The following PPFIBP1 variants were observed in gnomAD, a reference collection of about 807,000 sequenced individuals.
PPFIBP1 encodes the protein liprin-beta-1.
A neutral mutation model predicts 137.8 loss-of-function variants in PPFIBP1; 112 were observed. The ratio of observed to expected loss-of-function variants is 0.81; its 90% CI spans 0.70 to 0.95. The LOEUF (loss-of-function observed/expected upper bound fraction) is 0.95. Ranked by LOEUF, PPFIBP1 falls within the 40% of genes least tolerant of loss-of-function variation. The probability of loss-of-function intolerance (pLI) is 0.00; values close to 1 mark genes in which losing one functional copy is unlikely to be tolerated. For synonymous variants in PPFIBP1, 378 were observed against 417.3 expected, an observed-to-expected ratio of 0.91 and a Z score of 1.15; for missense variants, 1,083 against 1,196.6, an observed-to-expected ratio of 0.91 and a Z score of 1.40.
At chr12:27,644,046 A>G (rs1025399634) in intron 4 of PPFIBP1, among the ~76,000 whole-genome samples, 10 of 151,678 alleles carry the variant, frequency 6.6e-5, no homozygotes, top group Non-Finnish European at 1.3e-4. Flanking sequence ...TCATCTTGCT[A>G]TAATTTCCTC....
At chr12:27,604,582 C>T (rs56944757) in intron 2 of PPFIBP1, among the ~76,000 whole-genome samples, 9,294 of 152,284 alleles carry the variant, frequency 0.061, 310 homozygotes, top group East Asian at 0.086. Flanking sequence ...AAAGCTTTCT[C>T]TGCACTTCCC....
At chr12:27,662,227 C>G (rs2059596520) in intron 11 of PPFIBP1, among the ~76,000 whole-genome samples, 1 of 152,196 alleles carries the variant, frequency 6.6e-6, no homozygotes, top group Admixed American at 6.5e-5. Context: ...CAAAACTTGT[C>G]TCGAGACCAG....
At chr12:27,571,699 T>C (rs1274384530) in intron 1 of PPFIBP1, among the ~76,000 whole-genome samples, 1 of 152,224 alleles carries the variant, frequency 6.6e-6, no homozygotes, top group African/African-American at 2.4e-5. Context: ...AAGTGTTATA[T>C]ACCAGTGGGC....
intron 1 of PPFIBP1, among the ~76,000 whole-genome samples, chr12:27,550,977 T>TTATATATATATATATA (rs373063647): frequency 7.4e-6 from 1 of 135,942 alleles, no homozygotes; most frequent in Admixed American, 7.3e-5. Flanking sequence ...GGCACTAATT[T>TTATATATATATATATA]TATATATATA....
intron 2 of PPFIBP1, among the ~76,000 whole-genome samples, chr12:27,599,666 C>T (rs1411652601): frequency 6.6e-6 from 1 of 152,056 alleles, no homozygotes; most frequent in Admixed American, 6.6e-5. Context: ...TTATGAAATA[C>T]TTTAAGCATA....
intron 2 of PPFIBP1, among the ~76,000 whole-genome samples, chr12:27,631,777 A>G (rs1316143564): frequency 1.3e-5 from 2 of 152,218 alleles, no homozygotes; most frequent in Admixed American, 1.3e-4. Flanking sequence ...CACAAAATAT[A>G]GTTGCTAACA....
chr12:27,570,936 TA>T (rs146557694), intron 1 of PPFIBP1, among the ~76,000 whole-genome samples: 48,024 of 151,570 alleles, frequency 0.32, 7,993 homozygotes, highest in Middle Eastern at 0.46. Context: ...AATAAAAAAA[TA>T]AAAAAATAAA....
At chr12:27,616,578 A>G (rs890825539) in intron 2 of PPFIBP1, among the ~76,000 whole-genome samples, 140 of 152,290 alleles carry the variant, frequency 9.2e-4, no homozygotes, top group African/African-American at 3.2e-3. Flanking sequence ...TTAGATCCAG[A>G]AGGTTTTCAA....
At position 27,673,778 on chromosome 12, in the gene PPFIBP1, T is replaced by G; in HGVS notation, c.1331T>G (p.Leu444Arg). Residue 444 changes from leucine to arginine, a missense_variant, in exon 16 of 30, where the codon CTG becomes CGG. Transcript: ENST00000228425. ...ACTGTTATTTTTAGAACTTCAAGTC[T>G]GCAGAAGTCCAGCAGCCTGGGCAAT... ...QLCDKLLTSS[L>R]QKSSSLGNLK... 1 of 1,613,386 alleles carries G rather than the reference T, an allele frequency of 6.2e-7. No homozygotes were observed. Among genetic ancestry groups the G allele is most frequent in the South Asian group, 1.1e-5 (1 of 90,982 alleles).
rs529320465 is a variant in PPFIBP1, at chr12:27,622,931, G to A, written c.-35-10431G>A. On this transcript the variant is annotated intron_variant, in intron 2 of 29. Coordinates refer to ENST00000228425, the MANE Select transcript of PPFIBP1 (RefSeq NM_003622.4). ...TCAGTACATTCTAATTTTAGGAGTC[G>A]TGACCCATGGTTTATAAAACATTCC... Among the ~76,000 whole-genome samples the A allele has an allele frequency of 7.9e-5, 12 of 152,280 alleles. No individual in the cohort carries two copies. In the South Asian group the frequency reaches 1.7e-3, roughly 21 times the overall value.
Position 27,680,326 on chromosome 12 carries a change from C to T in PPFIBP1, c.1895+265C>T, listed in dbSNP as rs564550036. Reference sequence around the variant, plus strand: ...GAATGGCTCTCAGACTTAAATTTTACGTAGATGGTAATTACAAGTACTCTA... The same window carrying T: ...GAATGGCTCTCAGACTTAAATTTTATGTAGATGGTAATTACAAGTACTCTA... On this transcript the variant is annotated intron_variant, in intron 21 of 29. Coordinates refer to ENST00000228425, the MANE Select transcript of PPFIBP1 (RefSeq NM_003622.4). Among the ~76,000 whole-genome samples, 17 of 152,212 alleles carry T rather than the reference C, an allele frequency of 1.1e-4. No individual in the cohort carries two copies. In the East Asian group the frequency reaches 1.5e-3, roughly 14 times the overall value.
chr12:27,679,578 A>G lies in PPFIBP1; in HGVS notation c.1705A>G (p.Ile569Val). ...TTCACAGAGGAACAGTCCCTTCCAGATACCGCCTCCATCTCCAGATTCCAA... is the reference window on the plus strand; with the variant it reads ...TTCACAGAGGAACAGTCCCTTCCAGGTACCGCCTCCATCTCCAGATTCCAA... The part of the protein sequence containing the change: ...KDSQRNSPFQ[I>V]PPPSPDSKKK... Residue 569 changes from isoleucine to valine, a missense_variant, in exon 20 of 30, where the codon ATA becomes GTA. By Grantham distance (29) the Ile-to-Val change is conservative. Coordinates refer to ENST00000228425, the MANE Select transcript of PPFIBP1 (RefSeq NM_003622.4). 6.2e-7 allele frequency: 1 copy of G among 1,613,938 alleles called. No individual in the cohort carries two copies. The highest frequency in any genetic ancestry group is 8.5e-7 in the Non-Finnish European group (1 of 1,179,788).
intron 2 of PPFIBP1, among the ~76,000 whole-genome samples, chr12:27,619,380 G>A (rs1403330176): frequency 1.3e-5 from 2 of 152,120 alleles, no homozygotes; most frequent in African/African-American, 2.4e-5. Context: ...TTTAGTCACA[G>A]ACACATTTTT....
At chr12:27,528,478 C>A (rs74558900) in intron 1 of PPFIBP1, among the ~76,000 whole-genome samples, 1,812 of 152,296 alleles carry the variant, frequency 0.012, 23 homozygotes, top group Non-Finnish European at 0.018. Flanking sequence ...CAAAACCCTA[C>A]AGCTTTTGTC....
At chr12:27,661,028 A>G (rs7133231) in intron 11 of PPFIBP1, 83 bp downstream of exon 11, 1,549,651 of 1,551,042 alleles carry the variant, frequency 1, 774,143 homozygotes, top group East Asian at 1. Flanking sequence ...GAGCTATGCC[A>G]TTTTAAAAGA....
intron 4 of PPFIBP1, among the ~76,000 whole-genome samples, chr12:27,639,560 G>A (rs2057954886): frequency 6.6e-6 from 1 of 152,148 alleles, no homozygotes; most frequent in East Asian, 1.9e-4. Context: ...CCATCTCAAA[G>A]TCAGCAGAAA....
At chr12:27,590,689 T>C (rs2052396388) in intron 2 of PPFIBP1, among the ~76,000 whole-genome samples, 1 of 152,152 alleles carries the variant, frequency 6.6e-6, no homozygotes, top group African/African-American at 2.4e-5. Flanking sequence ...TAGAGCAGGT[T>C]CTTTAAGGAT....
intron 1 of PPFIBP1, among the ~76,000 whole-genome samples, chr12:27,524,722 A>C (rs1417836496): frequency 6.6e-6 from 1 of 152,070 alleles, no homozygotes; most frequent in Non-Finnish European, 1.5e-5. Flanking sequence ...AATGCCACAA[A>C]AAATTATGGA....
chr12:27,586,524 C>G (rs1275232616), intron 2 of PPFIBP1, among the ~76,000 whole-genome samples: 1 of 152,248 alleles, frequency 6.6e-6, no homozygotes, highest in South Asian at 2.1e-4. Context: ...ATGGTGAAAC[C>G]CTGTCTCTGC....
Sources: allele counts gnomAD v4.1 joint callset (sites outside exome capture counted in the v4.1 genomes callset), GRCh38; gene constraint gnomAD v4.1.1; transcripts MANE v1.5; gene names NCBI Gene and HGNC (gene_info 2026-07-23, HGNC 2026-07-21).